The following RAD18 variants were observed in gnomAD, a reference collection of about 807,000 sequenced individuals.
The protein encoded by RAD18 is E3 ubiquitin-protein ligase RAD18.
In RAD18, 47 loss-of-function variants were observed where a neutral mutation model predicts 60.4. The ratio of observed to expected loss-of-function variants is 0.78; its 90% CI spans 0.62 to 0.99. RAD18 has a LOEUF of 0.99. Ranked by LOEUF, RAD18 falls within the 50% of genes least tolerant of loss-of-function variation. The pLI is 0.00. For missense variants in RAD18, 640 were observed against 593.3 expected, an observed-to-expected ratio of 1.08 and a Z score of -0.82; for synonymous variants, 225 against 195.5, an observed-to-expected ratio of 1.15 and a Z score of -1.26.
chr3:8,918,286 C>A (rs1292337840), intron 7 of RAD18, among the ~76,000 whole-genome samples: 1 of 138,278 alleles, frequency 7.2e-6, no homozygotes. Context: ...CCATTGCACT[C>A]CAGCCTGGGC....
intron 12 of RAD18, among the ~76,000 whole-genome samples, chr3:8,887,554 TTGC>T (rs1297988120): frequency 6.6e-6 from 1 of 152,234 alleles, no homozygotes; most frequent in East Asian, 1.9e-4. Flanking sequence ...CTTGTTGTTG[TTGC>T]TTTTTGGTTG....
chr3:8,947,536 T>C (rs973509312), intron 3 of RAD18, among the ~76,000 whole-genome samples: 10 of 152,220 alleles, frequency 6.6e-5, no homozygotes, highest in Admixed American at 2.0e-4. Flanking sequence ...ATATATACTC[T>C]GTACTGACTA....
At chr3:8,942,780 C>A (rs385253) in intron 4 of RAD18, among the ~76,000 whole-genome samples, 65,085 of 152,084 alleles carry the variant, frequency 0.43, 16,531 homozygotes, top group African/African-American at 0.7. Context: ...GGAACCCCAC[C>A]AGTCTGCTTA....
intron 10 of RAD18, 98 bp from the exon 11 acceptor site, chr3:8,899,145 T>C: frequency 2.2e-6 from 2 of 916,902 alleles, no homozygotes; most frequent in Non-Finnish European, 1.6e-6. Context: ...CTTAGTAAAG[T>C]TGAAGTATAT....
chr3:8,941,550 G>C lies in RAD18; in HGVS notation c.521C>G (p.Ser174Cys). 2 of 1,614,096 alleles carry C rather than the reference G, an allele frequency of 1.2e-6. No individual in the cohort carries two copies. The highest frequency in any genetic ancestry group is 8.5e-7 in the Non-Finnish European group (1 of 1,179,986). ...SPAAKTKETRSVEEIAPDPSE... is the reference protein window; with the variant it reads ...SPAAKTKETRCVEEIAPDPSE... The stretch of plus-strand genomic sequence containing the variant: ...GGGATCTGGAGCGATCTCTTCTACA[G>C]AACGTGTCTCTTTGGTCTTTGCAGC... The change falls in exon 5 of 13, where the codon TCT (serine) becomes TGT (cysteine). Residue 174 changes from serine (S) to cysteine (C), a missense_variant. Physicochemically the swap from Ser to Cys is moderately radical, Grantham distance 112. Transcript: ENST00000264926.
chr3:8,902,867 T>C (rs990640735), intron 9 of RAD18, among the ~76,000 whole-genome samples: 2 of 151,622 alleles, frequency 1.3e-5, no homozygotes, highest in Non-Finnish European at 2.9e-5. Flanking sequence ...CTACTAAAAG[T>C]ACAAAAAAAT....
intron 12 of RAD18, among the ~76,000 whole-genome samples, chr3:8,885,889 C>T (rs1284623618): frequency 1.3e-5 from 2 of 152,238 alleles, no homozygotes; most frequent in Admixed American, 1.3e-4. Context: ...AGGCACCCAA[C>T]TGCTCAGCCA....
At chr3:8,960,395 G>T (rs529941214) in intron 1 of RAD18, among the ~76,000 whole-genome samples, 1 of 152,164 alleles carries the variant, frequency 6.6e-6, no homozygotes, top group South Asian at 2.1e-4. Context: ...TAATGATCAG[G>T]GCCAGGAACA....
intron 12 of RAD18, among the ~76,000 whole-genome samples, chr3:8,887,874 C>CA (rs1939597934): frequency 1.3e-5 from 2 of 152,270 alleles, no homozygotes; most frequent in South Asian, 4.1e-4. Context: ...TCAGAGACAG[C>CA]AACGGGCCCA....
At chr3:8,948,910 A>AGC (rs1940882526) in intron 2 of RAD18, among the ~76,000 whole-genome samples, 1 of 152,204 alleles carries the variant, frequency 6.6e-6, no homozygotes, top group Non-Finnish European at 1.5e-5. Flanking sequence ...TCATTTGAAA[A>AGC]TATAAATTTT....
intron 9 of RAD18, among the ~76,000 whole-genome samples, chr3:8,908,113 C>T (rs1292324449): frequency 6.6e-6 from 1 of 152,158 alleles, no homozygotes. Flanking sequence ...CCTGCCACCT[C>T]TCTCTTTCCT....
chr3:8,931,047 G>A (rs1181691801), intron 7 of RAD18, among the ~76,000 whole-genome samples: 3 of 152,004 alleles, frequency 2.0e-5, no homozygotes, highest in Admixed American at 6.6e-5. Context: ...TAAATAAAAG[G>A]CATATCGACT....
intron 7 of RAD18, among the ~76,000 whole-genome samples, chr3:8,932,033 G>A (rs602596): frequency 6.6e-6 from 1 of 152,032 alleles, no homozygotes; most frequent in African/African-American, 2.4e-5. Context: ...ATATAAAAGC[G>A]AAAATTATAA....
At chr3:8,922,691 A>T (rs563066400) in intron 7 of RAD18, among the ~76,000 whole-genome samples, 1 of 152,300 alleles carries the variant, frequency 6.6e-6, no homozygotes, top group Admixed American at 6.5e-5. Context: ...GACACCTCAC[A>T]CGGCCAGGTA....
At chr3:8,927,230 C>A (rs937972583) in intron 7 of RAD18, among the ~76,000 whole-genome samples, 22 of 152,214 alleles carry the variant, frequency 1.4e-4, no homozygotes, top group Non-Finnish European at 2.8e-4. Context: ...ACAAACAAAC[C>A]CATCAAAAAG....
intron 9 of RAD18, among the ~76,000 whole-genome samples, chr3:8,903,270 A>G (rs549356955): frequency 1.3e-5 from 2 of 152,200 alleles, no homozygotes; most frequent in Non-Finnish European, 2.9e-5. Context: ...TTACATAATC[A>G]TAAGAGCATG....
chr3:8,929,164 A>AT (rs1559784672), intron 7 of RAD18, among the ~76,000 whole-genome samples: 1 of 152,130 alleles, frequency 6.6e-6, no homozygotes, highest in Non-Finnish European at 1.5e-5. Flanking sequence ...AACTTCCACC[A>AT]TAATAAGCTA....
intron 2 of RAD18, among the ~76,000 whole-genome samples, chr3:8,958,365 A>G (rs1195447713): frequency 6.6e-6 from 1 of 152,220 alleles, no homozygotes; most frequent in Non-Finnish European, 1.5e-5. Flanking sequence ...TATGCACTAA[A>G]TATCTTAAGG....
chr3:8,935,493 T>C (rs1940633632), intron 7 of RAD18, among the ~76,000 whole-genome samples: 1 of 152,310 alleles, frequency 6.6e-6, no homozygotes, highest in Non-Finnish European at 1.5e-5. Context: ...TTATAACCCT[T>C]ATTTTATGAA....
Sources: gnomAD v4.1 joint callset for allele counts (sites outside exome capture counted in the v4.1 genomes callset) on GRCh38, gnomAD v4.1.1 for gene constraint, MANE v1.5 for transcripts, NCBI Gene and HGNC (gene_info 2026-07-23, HGNC 2026-07-21) for gene names.